CLIC2: variants seen among roughly 807,000 people sequenced by gnomAD.
CLIC2 encodes CLIC family member 2, also known as chloride intracellular channel protein 2.
CLIC2 carries 9 observed loss-of-function variants against 14.8 expected under a neutral mutation model. The observed-to-expected ratio is 0.61, with a 90% CI of 0.37 to 1.06. The LOEUF (loss-of-function observed/expected upper bound fraction) is 1.06, where lower values mean the gene tolerates loss of function less well. Among genes scored for constraint, CLIC2 ranks in the 50% least tolerant of loss-of-function variants. The pLI is 0.01. For synonymous variants in CLIC2, 61 were observed against 66.3 expected (o/e 0.92, Z 0.39); for missense variants, 148 against 181.4 (o/e 0.82, Z 1.06).
intron 1 of CLIC2, among the ~76,000 whole-genome samples, chrX:155,300,127 T>C (rs1434072701): frequency 2.7e-5 from 3 of 109,095 alleles, no homozygotes; most frequent in African/African-American, 1.0e-4. Context: ...GTATTTCCAG[T>C]TCTAGATCCC....
At chrX:155,309,306 C>G (rs1161834489) in intron 1 of CLIC2, among the ~76,000 whole-genome samples, 1 of 110,650 alleles carries the variant, frequency 9.0e-6, no homozygotes, top group Admixed American at 9.6e-5. Context: ...GCCCCTGTCT[C>G]AAAAATAAAA....
chrX:155,304,223 A>C (rs2075035210), intron 1 of CLIC2, among the ~76,000 whole-genome samples: 2 of 105,256 alleles, frequency 1.9e-5, no homozygotes, highest in African/African-American at 3.4e-5. Context: ...TACACCAATC[A>C]GACGTAGATT....
chrX:155,329,806 GAATGGATACAGA>G (rs1376381725), intron 1 of CLIC2, among the ~76,000 whole-genome samples: 1 of 110,911 alleles, frequency 9.0e-6, no homozygotes, highest in Non-Finnish European at 1.9e-5. Flanking sequence ...ATCAACAGAT[GAATGGATACAGA>G]AAATGTGGGC....
intron 1 of CLIC2, among the ~76,000 whole-genome samples, chrX:155,314,021 C>T (rs898188868): frequency 2.7e-5 from 3 of 111,311 alleles, no homozygotes; most frequent in South Asian, 3.9e-4. Flanking sequence ...TCCCCTACAG[C>T]AGCCACAGCA....
chrX:155,305,279 C>T (rs782104442), intron 1 of CLIC2, among the ~76,000 whole-genome samples: 2 of 112,139 alleles, frequency 1.8e-5, no homozygotes, highest in Admixed American at 9.4e-5. Context: ...ATATGTGGTG[C>T]GCCGTTTTTT....
chrX:155,302,118 C>T (rs1442934224), intron 1 of CLIC2, among the ~76,000 whole-genome samples: 2 of 105,665 alleles, frequency 1.9e-5, no homozygotes, highest in Non-Finnish European at 3.9e-5. Flanking sequence ...AGGATTCCCT[C>T]TTTTTCTATT....
chrX:155,309,620 G>T, intron 1 of CLIC2: 1 of 266,735 alleles, frequency 3.7e-6, no homozygotes, highest in Non-Finnish European at 7.1e-6. Context: ...AAGGTGAAAG[G>T]CACATCTCAC....
rs782173111 is a variant in CLIC2 at position 155,276,265 on chromosome X, T to C, written c.*1638A>G. 2 of 112,065 alleles carry C rather than the reference T, an allele frequency of 1.8e-5. No homozygotes were observed. The highest frequency in any genetic ancestry group is 1.9e-4 in the Admixed American group (2 of 10,568). 9.2% of individuals were successfully genotyped at this position (112,065 alleles called of 1,213,427 possible). On this transcript the variant is annotated 3_prime_UTR_variant, in exon 6 of 6. Coordinates refer to ENST00000369449, the MANE Select transcript of CLIC2 (RefSeq NM_001289.6). ...TGTATAATGGGCACATAATTGTACA[T>C]ATATATGGGATACAATGTGGTGTTT...
At chrX:155,286,766 C>T (rs1047322927) in intron 3 of CLIC2, among the ~76,000 whole-genome samples, 5 of 112,074 alleles carry the variant, frequency 4.5e-5, no homozygotes, top group African/African-American at 1.6e-4. Context: ...TGCTAATTTG[C>T]CCCATGTATG....
intron 3 of CLIC2, among the ~76,000 whole-genome samples, chrX:155,281,341 G>T (rs911606300): frequency 2.7e-5 from 3 of 109,874 alleles, no homozygotes; most frequent in African/African-American, 9.9e-5. Flanking sequence ...GCAAAGGGTA[G>T]ATTTTAGGTG....
intron 3 of CLIC2, among the ~76,000 whole-genome samples, chrX:155,281,734 T>C (rs12014825): frequency 1.8e-5 from 2 of 111,296 alleles, no homozygotes; most frequent in African/African-American, 3.3e-5. Flanking sequence ...CCCATACTTG[T>C]CCCTCATACA....
intron 1 of CLIC2, among the ~76,000 whole-genome samples, chrX:155,327,326 T>G (rs2075142097): frequency 9.0e-6 from 1 of 111,488 alleles, no homozygotes; most frequent in Non-Finnish European, 1.9e-5. Flanking sequence ...ACCAACTTAA[T>G]ATATGAAATA....
At chrX:155,287,861 TG>T (rs2088412403) in intron 3 of CLIC2, among the ~76,000 whole-genome samples, 1 of 112,277 alleles carries the variant, frequency 8.9e-6, no homozygotes, top group Non-Finnish European at 1.9e-5. Context: ...TTGTTGATAT[TG>T]ATTCTTCCTA....
At chrX:155,293,507 GA>G (rs1344389478) in intron 3 of CLIC2, 18 of 446,751 alleles carry the variant, frequency 4.0e-5, no homozygotes, top group African/African-American at 7.5e-5. Flanking sequence ...AAGAGAGAGA[GA>G]AAAAAAACAA....
At chrX:155,282,719 T>TCC (rs2074924586) in intron 3 of CLIC2, among the ~76,000 whole-genome samples, 1 of 110,944 alleles carries the variant, frequency 9.0e-6, no homozygotes, top group South Asian at 3.8e-4. Flanking sequence ...TCAGGCCCTC[T>TCC]CCATCACAAG....
At chrX:155,329,695 C>A (rs1276265203) in intron 1 of CLIC2, among the ~76,000 whole-genome samples, 1 of 109,336 alleles carries the variant, frequency 9.1e-6, no homozygotes, top group Non-Finnish European at 1.9e-5. Flanking sequence ...GGTATCTACC[C>A]CAAAGAAAGG....
intron 1 of CLIC2, among the ~76,000 whole-genome samples, chrX:155,306,864 C>T (rs1318578817): frequency 9.0e-6 from 1 of 111,526 alleles, no homozygotes. Flanking sequence ...ACACTTTCCA[C>T]CATGCCCCAC....
At chrX:155,309,533 C>CA (rs782314769) in intron 1 of CLIC2, 22 of 279,879 alleles carry the variant, frequency 7.9e-5, no homozygotes, top group Admixed American at 1.5e-4. Flanking sequence ...GAGCAATTTA[C>CA]AAAAAAAATA....
chrX:155,302,409 T>C (rs1275927089), intron 1 of CLIC2, among the ~76,000 whole-genome samples: 2 of 110,634 alleles, frequency 1.8e-5, no homozygotes, highest in African/African-American at 6.6e-5. Context: ...TGTATTTCTG[T>C]GGAATCAGTG....
Sources: allele counts gnomAD v4.1 joint callset (sites outside exome capture counted in the v4.1 genomes callset), GRCh38; gene constraint gnomAD v4.1.1; transcripts MANE v1.5; gene names NCBI Gene and HGNC (gene_info 2026-07-23, HGNC 2026-07-21).